The following PCDHGA11 variants were observed in gnomAD, a reference collection of about 807,000 sequenced individuals.
PCDHGA11 encodes protocadherin gamma-A11.
Under a neutral mutation model 60.4 loss-of-function variants are expected in PCDHGA11, and 39 were observed. That is an observed-to-expected ratio of 0.65 (90% CI 0.50 to 0.84). The LOEUF (loss-of-function observed/expected upper bound fraction) is 0.84, where lower values mean the gene tolerates loss of function less well. Ranked by LOEUF, PCDHGA11 falls within the 40% of genes least tolerant of loss-of-function variation. PCDHGA11 has a pLI of 0.00. For missense variants in PCDHGA11, 1,165 were observed against 1,197.7 expected (o/e 0.97, Z 0.40); for synonymous variants, 533 against 510.3 (o/e 1.04, Z -0.60).
At chr5:141,484,598 T>C (rs2099598059) in intron 1 of PCDHGA11, among the ~76,000 whole-genome samples, 1 of 152,080 alleles carries the variant, frequency 6.6e-6, no homozygotes, top group Non-Finnish European at 1.5e-5. Flanking sequence ...TCATTTAGAA[T>C]ACTGGTTGAT....
intron 1 of PCDHGA11, chr5:141,426,765 G>A (rs1343961009): frequency 1.8e-5 from 8 of 456,530 alleles, no homozygotes; most frequent in Non-Finnish European, 3.5e-5. Flanking sequence ...AGATGCAGAT[G>A]TAGGGCCTCA....
rs770468191 is a variant in PCDHGA11, at chr5:141,478,296, A to G, written c.2434-16511A>G. On this transcript the variant is annotated intron_variant, in intron 1 of 3. Coordinates refer to ENST00000398587, the MANE Select transcript of PCDHGA11 (RefSeq NM_018914.3). ...AAGTGGAAGCAGTCTAGAGACCTAT[A>G]CCGAGCCCCGGTGAGCTCACTGTAC... is the stretch of plus-strand genomic sequence containing the variant. The G allele has an allele frequency of 9.3e-6, 15 of 1,613,962 alleles. No individual in the cohort carries two copies. Among genetic ancestry groups the G allele is most frequent in the African/African-American group, 6.7e-5 (5 of 74,930 alleles).
chr5:141,441,179 C>G (rs150511376), intron 1 of PCDHGA11: 13 of 152,210 alleles, frequency 8.5e-5, no homozygotes, highest in South Asian at 2.1e-4. Context: ...ACTTCTAATT[C>G]CACAATGATT....
rs532631149 is a variant in PCDHGA11, at chr5:141,506,489, C to A, written c.2581+1008C>A. On this transcript the variant is annotated intron_variant, in intron 3 of 3. Transcript: ENST00000398587. ...AAGAGCACAGGCTTTAGAGGCAGGC[C>A]AATCTGGATTCAAATCCTGGCACCT... 1.9e-4 allele frequency among the ~76,000 whole-genome samples: 29 copies of A among 150,750 alleles called. 1 individual carries two copies. In the South Asian group the frequency reaches 5.9e-3, roughly 31 times the overall value.
rs61612330 is a variant in PCDHGA11, at chr5:141,454,796, A to ATTTTTTTTTTTTTTT, written c.2433+31151_2433+31165dup. 1.0e-3 allele frequency among the ~76,000 whole-genome samples: 80 copies of ATTTTTTTTTTTTTTT among 77,456 alleles called. 10 individuals are homozygous for ATTTTTTTTTTTTTTT. The highest frequency in any genetic ancestry group is 2.0e-3 in the East Asian group (5 of 2,512). The allele number at this position is 77,456 out of a possible 152,430, so 50.8% of individuals were successfully genotyped here. A position where few individuals can be genotyped will look rare whatever the true frequency, so the allele number is the denominator to read the frequency against. On this transcript the variant is annotated intron_variant, in intron 1 of 3. Transcript: ENST00000398587. ...AAGGAAATAATCCTCCATGGTTCTA[A>ATTTTTTTTTTTTTTT]TTTTTTTTTTTTTTTTTTTTTTTTT...
chr5:141,475,013 G>C (rs950376592), intron 1 of PCDHGA11, among the ~76,000 whole-genome samples: 1 of 152,176 alleles, frequency 6.6e-6, no homozygotes, highest in Non-Finnish European at 1.5e-5. Flanking sequence ...AAAAGTTAAG[G>C]CTCTTTATTC....
chr5:141,466,016 G>A (rs1592991828), intron 1 of PCDHGA11, among the ~76,000 whole-genome samples: 2 of 152,032 alleles, frequency 1.3e-5, no homozygotes, highest in East Asian at 3.9e-4. Flanking sequence ...CAGCTACTCG[G>A]GAGGGTGAGG....
rs1236074950 is a variant in PCDHGA11 at position 141,489,119 on chromosome 5, C to G, written c.2434-5688C>G. On this transcript the variant is annotated intron_variant, in intron 1 of 3. Transcript: ENST00000398587. This position sits in a 1 kb window ranked among gnomAD's most constrained non-coding sequence, Gnocchi z 4.5. ...GAACTGCTGCAAGCAGGCAAACCTC[C>G]GAGCAGTTTTTAAGAGGCTGGAAGG... The G allele has an allele frequency of 1.5e-6, 1 of 650,358 alleles. No individual in the cohort carries two copies. Among genetic ancestry groups the G allele is most frequent in the Non-Finnish European group, 2.5e-6 (1 of 400,690 alleles). The allele number at this position is 650,358 out of a possible 1,614,324, so 40.3% of individuals were successfully genotyped here. A position where few individuals can be genotyped will look rare whatever the true frequency, so the allele number is the denominator to read the frequency against.
chr5:141,496,251 G>A (rs746722054), intron 2 of PCDHGA11, among the ~76,000 whole-genome samples: 7 of 152,150 alleles, frequency 4.6e-5, no homozygotes, highest in African/African-American at 7.2e-5. Context: ...TGAAGGGGAG[G>A]GAAACTTCAG....
intron 1 of PCDHGA11, chr5:141,428,078 C>A (rs747287202): frequency 1.2e-6 from 2 of 1,609,216 alleles, no homozygotes; most frequent in Admixed American, 3.3e-5. Flanking sequence ...ATTCGGGACA[C>A]AACGCTTGGC....
rs2099417733 is a variant in PCDHGA11, at chr5:141,477,771, G to C, written c.2434-17036G>C. ...ACCCCGGTCCTAGCCACCAACATCAGCGTGAACATATTTGTCACTGATCGC... is the reference window on the plus strand; with the variant it reads ...ACCCCGGTCCTAGCCACCAACATCACCGTGAACATATTTGTCACTGATCGC... On this transcript the variant is annotated intron_variant, in intron 1 of 3. Transcript: ENST00000398587. This position sits in a 1 kb window ranked among gnomAD's most constrained non-coding sequence, Gnocchi z 4.9. 3 of 1,613,992 alleles carry C rather than the reference G, an allele frequency of 1.9e-6. No homozygotes were observed. The highest frequency in any genetic ancestry group is 3.3e-4 in the Middle Eastern group (2 of 6,062).
chr5:141,510,633 TACCA>T (rs2099882032), intron 3 of PCDHGA11, among the ~76,000 whole-genome samples: 1 of 152,110 alleles, frequency 6.6e-6, no homozygotes, highest in Admixed American at 6.6e-5. Flanking sequence ...AAGAGGTGGT[TACCA>T]TTATCATCCC....
At chr5:141,442,006 G>T (rs540427406) in intron 1 of PCDHGA11, 2 of 229,074 alleles carry the variant, frequency 8.7e-6, no homozygotes, top group South Asian at 4.9e-5. Flanking sequence ...CTGACAGCTC[G>T]CACGATGGGC....
intron 1 of PCDHGA11, among the ~76,000 whole-genome samples, chr5:141,445,078 G>T (rs1591839605): frequency 6.6e-6 from 1 of 152,208 alleles, no homozygotes; most frequent in East Asian, 1.9e-4. Flanking sequence ...TCATTAAATT[G>T]TCCCTACATA....
At position 141,432,395 on chromosome 5, in the gene PCDHGA11, G is replaced by T. The variant is rs748660079; in HGVS notation, c.2433+8735G>T. On this transcript the variant is annotated intron_variant, in intron 1 of 3. Coordinates refer to ENST00000398587, the MANE Select transcript of PCDHGA11 (RefSeq NM_018914.3). This position sits in a 1 kb window ranked among gnomAD's most constrained non-coding sequence, Gnocchi z 6.0. ...CGGGCACCCGCCCCTCAGCAGCAAC[G>T]TGTCGTTGAGCCTGTTCGTGCTGGA... 5 of 1,614,242 alleles carry T rather than the reference G, an allele frequency of 3.1e-6. No individual in the cohort carries two copies. In the East Asian group the frequency reaches 8.9e-5, roughly 29 times the overall value.
chr5:141,431,351 C>A lies in PCDHGA11; in HGVS notation c.2433+7691C>A. On this transcript the variant is annotated intron_variant, in intron 1 of 3. Coordinates refer to ENST00000398587, the MANE Select transcript of PCDHGA11 (RefSeq NM_018914.3). The surrounding 1 kb of genome is among the most constrained non-coding windows in gnomAD (Gnocchi z 4.8). ...TAAGTACCCCGAATTGGTGCTGAAA[C>A]GCGCCCTGGACCGCGAAGAAAAGGC... The A allele has an allele frequency of 6.2e-7, 1 of 1,614,064 alleles. No individual in the cohort carries two copies. The highest frequency in any genetic ancestry group is 8.5e-7 in the Non-Finnish European group (1 of 1,180,042).
intron 2 of PCDHGA11, among the ~76,000 whole-genome samples, chr5:141,504,490 TGC>T (rs2099838709): frequency 6.6e-6 from 1 of 152,056 alleles, no homozygotes; most frequent in Non-Finnish European, 1.5e-5. Flanking sequence ...TGGAGGCACC[TGC>T]CCAGTCTGAG....
chr5:141,427,046 C>G (rs916723344), intron 1 of PCDHGA11: 2 of 457,362 alleles, frequency 4.4e-6, no homozygotes, highest in Admixed American at 4.7e-5. Context: ...AGAATGTGCC[C>G]CCAGGCACCT....
Position 141,490,703 on chromosome 5 carries a change from G to GCCT in PCDHGA11, c.2434-4102_2434-4100dup. 6.2e-7 allele frequency: 1 copy of GCCT among 1,614,110 alleles called. No individual in the cohort carries two copies. The highest frequency in any genetic ancestry group is 8.5e-7 in the Non-Finnish European group (1 of 1,180,000). Reference sequence around the variant, plus strand: ...GATCCAGACACTGGGGATAATGCCCGCCTCACCTACTCCATTGTAGGAAAT... The same window carrying GCCT: ...GATCCAGACACTGGGGATAATGCCCGCCTCCTCACCTACTCCATTGTAGGAAAT... On this transcript the variant is annotated intron_variant, in intron 1 of 3. Transcript: ENST00000398587. This position sits in a 1 kb window ranked among gnomAD's most constrained non-coding sequence, Gnocchi z 5.4.
Sources: allele counts gnomAD v4.1 joint callset (sites outside exome capture counted in the v4.1 genomes callset), GRCh38; gene constraint gnomAD v4.1.1; non-coding constraint Gnocchi (gnomAD v3.1); transcripts MANE v1.5; gene names NCBI Gene and HGNC (gene_info 2026-07-23, HGNC 2026-07-21).